ECT2: variants seen among roughly 807,000 people sequenced by gnomAD.
ECT2 encodes protein ECT2.
A neutral mutation model predicts 116.9 loss-of-function variants in ECT2; 61 were observed. That is an observed-to-expected ratio of 0.52 (90% CI 0.42 to 0.65). The LOEUF is 0.65. ECT2 is among the 30% of genes least tolerant of loss of function. The pLI is 0.00. For missense variants in ECT2, 937 were observed against 1,078.7 expected, an observed-to-expected ratio of 0.87 and a Z score of 1.84; for synonymous variants, 358 against 346.4, an observed-to-expected ratio of 1.03 and a Z score of -0.37.
chr3:172,762,376 TAA>T (rs1396666233), intron 8 of ECT2, 38 bp from the exon 9 acceptor site: 13 of 1,418,378 alleles, frequency 9.2e-6, no homozygotes, highest in Non-Finnish European at 1.2e-5. Context: ...CACTTGAATT[TAA>T]GTTAAACTGG....
chr3:172,814,192 C>T (rs904887610), intron 22 of ECT2, among the ~76,000 whole-genome samples: 1 of 151,904 alleles, frequency 6.6e-6, no homozygotes, highest in African/African-American at 2.4e-5. Context: ...TTTAGAATAA[C>T]AAAAGCTGTC....
At chr3:172,787,539 G>C (rs928278755) in intron 18 of ECT2, among the ~76,000 whole-genome samples, 2 of 151,888 alleles carry the variant, frequency 1.3e-5, no homozygotes, top group African/African-American at 4.8e-5. Flanking sequence ...TTTTTGTTTT[G>C]TTTTCTTTTT....
chr3:172,799,904 C>T (rs1164439678), intron 18 of ECT2, among the ~76,000 whole-genome samples: 9 of 152,178 alleles, frequency 5.9e-5, no homozygotes, highest in Non-Finnish European at 1.0e-4. Context: ...CAAGATGGAA[C>T]TCAGTGCTGG....
At chr3:172,759,181 CTT>C in intron 6 of ECT2, 112 bp downstream of exon 6, 1 of 679,224 alleles carries the variant, frequency 1.5e-6, no homozygotes, top group Non-Finnish European at 2.4e-6. Context: ...TGAAGGATAA[CTT>C]ATTATGGCTA....
At chr3:172,816,335 T>C (rs1006561334) in intron 23 of ECT2, among the ~76,000 whole-genome samples, 1 of 152,106 alleles carries the variant, frequency 6.6e-6, no homozygotes, top group African/African-American at 2.4e-5. Flanking sequence ...GAAAAACATG[T>C]TAGATTATTA....
At chr3:172,807,593 C>T (rs1176898508) in intron 21 of ECT2, 177 bp from the exon 22 acceptor site, 1 of 617,946 alleles carries the variant, frequency 1.6e-6, no homozygotes, top group Non-Finnish European at 2.7e-6. Flanking sequence ...ATTGTGTTTT[C>T]AGTACTTCAA....
chr3:172,758,986 C>A lies in ECT2; in HGVS notation c.493C>A (p.Pro165Thr). Reference sequence around the variant, plus strand: ...AAATTGTTGTATCCTTCAGCCTTTGCCATTTTCATGTCGCCCGTTGTATTG... The same window carrying A: ...AAATTGTTGTATCCTTCAGCCTTTGACATTTTCATGTCGCCCGTTGTATTG... Reference protein sequence around the residue: ...LNCSQKGEPLPFSCRPLYCTS... With the variant: ...LNCSQKGEPLTFSCRPLYCTS... The change falls in exon 6 of 25, where the codon CCA becomes ACA. Residue 165 changes from proline (P) to threonine (T), a missense_variant. Coordinates refer to ENST00000392692, the MANE Select transcript of ECT2 (RefSeq NM_001258315.2). The A allele has an allele frequency of 6.2e-7, 1 of 1,608,516 alleles. No individual in the cohort carries two copies. The highest frequency in any genetic ancestry group is 8.5e-7 in the Non-Finnish European group (1 of 1,178,328).
rs747385623 is a variant in ECT2 at position 172,761,624 on chromosome 3, A to G, written c.699A>G (p.Leu233=). ...QGEKFRVAVS[L]GTPIMKPEWI... ...TATATTTTTAGGTTGCTGTGAGTCT[A>G]GGTACTCCAATTATGAAGCCAGAAT... Residue 233 remains leucine (L), a synonymous_variant, in exon 8 of 25, where the codon CTA becomes CTG. Transcript: ENST00000392692. The G allele has an allele frequency of 1.7e-5, 28 of 1,610,306 alleles. No homozygotes were observed. The South Asian group carries it at 2.8e-4, about 16-fold the overall frequency.
intron 14 of ECT2, among the ~76,000 whole-genome samples, chr3:172,781,904 T>A (rs896126872): frequency 6.6e-6 from 1 of 152,320 alleles, no homozygotes; most frequent in East Asian, 1.9e-4. Flanking sequence ...ATAAAAAATA[T>A]TGAGTTATCA....
chr3:172,755,603 G>T (rs1395310014), intron 4 of ECT2, 28 bp downstream of exon 4: 4 of 1,179,128 alleles, frequency 3.4e-6, no homozygotes, highest in Non-Finnish European at 4.7e-6. Flanking sequence ...ATTGCATGTG[G>T]CATGCTGCAC....
At position 172,762,783 on chromosome 3, in the gene ECT2, A is replaced by G; in HGVS notation, c.982A>G (p.Lys328Glu). 6.2e-7 allele frequency: 1 copy of G among 1,612,792 alleles called. No individual in the cohort carries two copies. The highest frequency in any genetic ancestry group is 1.1e-5 in the South Asian group (1 of 90,708). ...VKDLPFEPSK[K>E]LYVVKQEWFW... ...AGATCTTCCCTTTGAACCTTCAAAG[A>G]AACTTTATGTTGTCAAGCAAGAGGC... Residue 328 changes from lysine to glutamate, a missense_variant, in exon 10 of 25, where the codon AAA becomes GAA. Physicochemically the swap from Lys to Glu is moderately conservative, Grantham distance 56. Transcript: ENST00000392692.
rs62281234 is a variant in ECT2, at chr3:172,792,471, C to G, written c.1907+5897C>G. On this transcript the variant is annotated intron_variant, in intron 18 of 24. Coordinates refer to ENST00000392692, the MANE Select transcript of ECT2 (RefSeq NM_001258315.2). ...TCTGGCTTTTTTTTTTTTTTATACT[C>G]AGCATAATTACTTTGAGATTAGTCC... is the stretch of plus-strand genomic sequence containing the variant. Among the ~76,000 whole-genome samples the G allele has an allele frequency of 5.5e-3, 803 of 146,434 alleles. 7 individuals carry two copies. The highest frequency in any genetic ancestry group is 0.024 in the Middle Eastern group (7 of 290).
intron 18 of ECT2, among the ~76,000 whole-genome samples, chr3:172,801,766 G>C (rs1401499126): frequency 6.6e-6 from 1 of 152,222 alleles, no homozygotes; most frequent in Non-Finnish European, 1.5e-5. Flanking sequence ...CTGTTTCACA[G>C]AAATGGATGT....
the ECT2 span, among the ~76,000 whole-genome samples, chr3:172,827,377 C>G: frequency 6.6e-6 from 1 of 152,150 alleles, no homozygotes; most frequent in African/African-American, 2.4e-5. Context: ...TGGAATCAAC[C>G]TAAGTGTCCA....
intron 17 of ECT2, among the ~76,000 whole-genome samples, chr3:172,785,988 C>A (rs73028366): frequency 0.022 from 3,395 of 152,130 alleles, 139 homozygotes; most frequent in African/African-American, 0.078. Flanking sequence ...TAGATTAAAC[C>A]TAGATTTGAT....
intron 22 of ECT2, among the ~76,000 whole-genome samples, chr3:172,809,264 A>C (rs1033649814): frequency 8.5e-5 from 13 of 152,096 alleles, no homozygotes; most frequent in African/African-American, 3.1e-4. Flanking sequence ...TTTTCTTATA[A>C]TCTATTGAAT....
At chr3:172,796,608 T>G (rs545029852) in intron 18 of ECT2, 1 of 152,230 alleles carries the variant, frequency 6.6e-6, no homozygotes, top group South Asian at 2.1e-4. Flanking sequence ...TGATATCTGT[T>G]TAATTTCCTC....
chr3:172,797,484 C>G lies in ECT2; in HGVS notation c.1908-5132C>G, dbSNP rs142005415. Among the ~76,000 whole-genome samples the G allele has an allele frequency of 2.0e-5, 3 of 152,228 alleles. No individual in the cohort carries two copies. In the East Asian group the frequency reaches 5.8e-4, roughly 29 times the overall value. ...GCTTTCATAACTGTTTTCTGTGGTT[C>G]TAACTCTGCTGTTATATCCTGACAC... is the stretch of plus-strand genomic sequence containing the variant. On this transcript the variant is annotated intron_variant, in intron 18 of 24. Coordinates refer to ENST00000392692, the MANE Select transcript of ECT2 (RefSeq NM_001258315.2).
At chr3:172,819,104 A>T (rs1375922402) in intron 24 of ECT2, among the ~76,000 whole-genome samples, 1 of 152,144 alleles carries the variant, frequency 6.6e-6, no homozygotes, top group Non-Finnish European at 1.5e-5. Flanking sequence ...TATAGCATTT[A>T]TAGAAAATTA....
Sources: allele counts gnomAD v4.1 joint callset (sites outside exome capture counted in the v4.1 genomes callset), GRCh38; gene constraint gnomAD v4.1.1; transcripts MANE v1.5; gene names NCBI Gene and HGNC (gene_info 2026-07-23, HGNC 2026-07-21).